Variants in METTL15 observed in about 807,000 individuals in gnomAD.
The protein encoded by METTL15 is methyltransferase 15, mitochondrial 12S rRNA N4-cytidine.
A neutral mutation model predicts 38.3 loss-of-function variants in METTL15; 34 were observed. The ratio of observed to expected loss-of-function variants is 0.89; its 90% CI spans 0.68 to 1.18. The LOEUF (loss-of-function observed/expected upper bound fraction) is 1.18. Ranked by LOEUF, METTL15 falls within the 50% of genes most tolerant of loss-of-function variation. The probability of loss-of-function intolerance (pLI) is 0.00; values close to 1 mark genes in which losing one functional copy is unlikely to be tolerated. For missense variants in METTL15, 438 were observed against 498.4 expected, an observed-to-expected ratio of 0.88 and a Z score of 1.15; for synonymous variants, 162 against 170.9, an observed-to-expected ratio of 0.95 and a Z score of 0.41.
intron 5 of METTL15, among the ~76,000 whole-genome samples, chr11:28,403,992 C>G (rs1374340933): frequency 6.6e-6 from 1 of 151,936 alleles, no homozygotes; most frequent in Non-Finnish European, 1.5e-5. Flanking sequence ...GTAGCAATAA[C>G]TTAGACCACT....
chr11:28,442,179 G>A (rs11030334), intron 6 of METTL15, among the ~76,000 whole-genome samples: 61,575 of 151,990 alleles, frequency 0.41, 14,273 homozygotes, highest in Admixed American at 0.52. Context: ...CAAGTTACAA[G>A]CTTCTGATTG....
At chr11:28,299,650 A>C (rs1856847356) in intron 6 of METTL15, among the ~76,000 whole-genome samples, 1 of 152,128 alleles carries the variant, frequency 6.6e-6, no homozygotes, top group Non-Finnish European at 1.5e-5. Flanking sequence ...ATAAATCAAG[A>C]GGTACTACAT....
rs142429796 is a variant in METTL15 at position 28,150,162 on chromosome 11, CT to C, written c.270+36562del. ...CAGCCCTCCAATCTCCTACAGTGCT[CT>C]TTTGTGTCTTATTGTCAACAGAGTG... On this transcript the variant is annotated intron_variant, in intron 3 of 6. Transcript: ENST00000407364. Among the ~76,000 whole-genome samples the C allele has an allele frequency of 4.4e-3, 672 of 151,968 alleles. 7 individuals are homozygous for C. Among genetic ancestry groups the C allele is most frequent in the African/African-American group, 0.016 (647 of 41,476 alleles).
At chr11:28,353,314 A>G (rs1850058175) in intron 4 of METTL15, among the ~76,000 whole-genome samples, 1 of 152,176 alleles carries the variant, frequency 6.6e-6, no homozygotes, top group Non-Finnish European at 1.5e-5. Context: ...TTTTGAAGAG[A>G]AAAATGTTGT....
intron 6 of METTL15, among the ~76,000 whole-genome samples, chr11:28,516,085 G>A (rs1851717249): frequency 6.6e-6 from 1 of 152,182 alleles, no homozygotes; most frequent in Non-Finnish European, 1.5e-5. Context: ...ACAAAGAGAG[G>A]TGAATAAGAC....
At chr11:28,232,721 A>G (rs1481680459) in intron 4 of METTL15, among the ~76,000 whole-genome samples, 1 of 151,982 alleles carries the variant, frequency 6.6e-6, no homozygotes, top group African/African-American at 2.4e-5. Flanking sequence ...TAATTGCTAG[A>G]TTTCAGGCAC....
intron 6 of METTL15, among the ~76,000 whole-genome samples, chr11:28,483,635 T>TCTG (rs1406773192): frequency 6.6e-6 from 1 of 152,206 alleles, no homozygotes. Flanking sequence ...ACTAATCAAC[T>TCTG]CTGCCACTGT....
At chr11:28,217,595 C>T (rs1042348535) in intron 4 of METTL15, among the ~76,000 whole-genome samples, 1 of 151,950 alleles carries the variant, frequency 6.6e-6, no homozygotes, top group Non-Finnish European at 1.5e-5. Flanking sequence ...GGCTTTTGTT[C>T]CCATTGCTTT....
At chr11:28,296,228 G>A (rs58466044) in intron 5 of METTL15, among the ~76,000 whole-genome samples, 5 of 152,104 alleles carry the variant, frequency 3.3e-5, no homozygotes, top group East Asian at 1.9e-4. Flanking sequence ...ATGAGTTTTT[G>A]TGAGGGAAAC....
chr11:28,272,370 A>G (rs1461128028), intron 4 of METTL15, among the ~76,000 whole-genome samples: 1 of 152,214 alleles, frequency 6.6e-6, no homozygotes, highest in South Asian at 2.1e-4. Context: ...CATATACACC[A>G]TGGAATACTA....
intron 3 of METTL15, among the ~76,000 whole-genome samples, chr11:28,343,668 C>T (rs1849974128): frequency 6.6e-6 from 1 of 152,138 alleles, no homozygotes; most frequent in African/African-American, 2.4e-5. Context: ...TTTAGCCTTC[C>T]AAATAAATTC....
chr11:28,494,490 T>G (rs1356425856), intron 6 of METTL15, among the ~76,000 whole-genome samples: 1 of 152,150 alleles, frequency 6.6e-6, no homozygotes, highest in East Asian at 1.9e-4. Context: ...AAGCCCTTAC[T>G]GTGTATCTTG....
intron 6 of METTL15, among the ~76,000 whole-genome samples, chr11:28,482,787 A>G (rs1450861693): frequency 6.6e-6 from 1 of 152,172 alleles, no homozygotes; most frequent in African/African-American, 2.4e-5. Flanking sequence ...TCAGGATGAA[A>G]CCCAGGAATC....
At chr11:28,506,912 T>C (rs1851633039) in intron 6 of METTL15, among the ~76,000 whole-genome samples, 1 of 151,912 alleles carries the variant, frequency 6.6e-6, no homozygotes, top group African/African-American at 2.4e-5. Context: ...GCCTGGCTAA[T>C]TTTTGTATTT....
chr11:28,174,365 C>T lies in METTL15; in HGVS notation c.271-36697C>T, dbSNP rs1459446488. Among the ~76,000 whole-genome samples, 3 of 152,060 alleles carry T rather than the reference C, an allele frequency of 2.0e-5. No homozygotes were observed. In the East Asian group the frequency reaches 5.8e-4, roughly 29 times the overall value. On this transcript the variant is annotated intron_variant, in intron 3 of 6. Transcript: ENST00000407364. ...GTTTTCCCACTGCATTTTATTATAA[C>T]CAAGGTTTATCTAATACCGCATTGT...
At chr11:28,235,597 G>T (rs1853920111) in intron 4 of METTL15, among the ~76,000 whole-genome samples, 1 of 152,022 alleles carries the variant, frequency 6.6e-6, no homozygotes, top group South Asian at 2.1e-4. Context: ...TCATGATTTG[G>T]CTCTCTGTTT....
At chr11:28,401,715 A>G (rs1008739139) in intron 5 of METTL15, among the ~76,000 whole-genome samples, 10 of 151,856 alleles carry the variant, frequency 6.6e-5, no homozygotes, top group African/African-American at 2.2e-4. Context: ...GAAGATCTCA[A>G]TCCTCATTTG....
At chr11:28,159,010 C>A (rs1850359097) in intron 3 of METTL15, among the ~76,000 whole-genome samples, 2 of 152,128 alleles carry the variant, frequency 1.3e-5, no homozygotes, top group South Asian at 4.1e-4. Context: ...GCACCACTTA[C>A]CATCAACCCT....
At chr11:28,271,334 C>T in intron 4 of METTL15, among the ~76,000 whole-genome samples, 1 of 152,062 alleles carries the variant, frequency 6.6e-6, no homozygotes, top group South Asian at 2.1e-4. Context: ...CAGATTTTGT[C>T]GTTGCTCTTT....
Sources: gnomAD v4.1 joint callset for allele counts (sites outside exome capture counted in the v4.1 genomes callset) on GRCh38, gnomAD v4.1.1 for gene constraint, MANE v1.5 for transcripts, NCBI Gene and HGNC (gene_info 2026-07-23, HGNC 2026-07-21) for gene names.